The following SRPK1 variants were observed in gnomAD, a reference collection of about 807,000 sequenced individuals.
The protein encoded by SRPK1 is SFRS protein kinase 1.
A neutral mutation model predicts 89.5 loss-of-function variants in SRPK1; 52 were observed. That is an observed-to-expected ratio of 0.58 (90% CI 0.46 to 0.73). SRPK1 has a LOEUF of 0.73. SRPK1 is among the 30% of genes least tolerant of loss of function. The pLI is 0.00. For missense variants in SRPK1, 603 were observed against 780.6 expected (o/e 0.77, Z 2.71); for synonymous variants, 255 against 270.2 (o/e 0.94, Z 0.55).
intron 8 of SRPK1, 40 bp downstream of exon 8, chr6:35,872,523 T>C: frequency 2.0e-6 from 3 of 1,509,450 alleles, no homozygotes; most frequent in Non-Finnish European, 2.6e-6. Flanking sequence ...AATTTCTTTT[T>C]AACTTCTAAT....
chr6:35,877,735 TAGGAGGCTAAGGCA>T (rs1770184948), intron 6 of SRPK1, among the ~76,000 whole-genome samples: 1 of 151,620 alleles, frequency 6.6e-6, no homozygotes, highest in Non-Finnish European at 1.5e-5. Context: ...CCCAGCTACT[TAGGAGGCTAAGGCA>T]GGAGAATCAC....
intron 13 of SRPK1, among the ~76,000 whole-genome samples, chr6:35,847,049 C>T (rs1361920507): frequency 6.6e-6 from 1 of 152,218 alleles, no homozygotes; most frequent in Admixed American, 6.5e-5. Flanking sequence ...TAACATTGTA[C>T]TCAATGGTGA....
At chr6:35,846,151 A>G (rs1367620463) in intron 13 of SRPK1, among the ~76,000 whole-genome samples, 1 of 152,128 alleles carries the variant, frequency 6.6e-6, no homozygotes, top group Non-Finnish European at 1.5e-5. Context: ...GAGGCCAGGT[A>G]GGGTGGCTTA....
intron 12 of SRPK1, among the ~76,000 whole-genome samples, chr6:35,863,743 A>G (rs1281971739): frequency 6.6e-6 from 1 of 152,198 alleles, no homozygotes; most frequent in Admixed American, 6.5e-5. Context: ...ATCTTAAAGA[A>G]GAGAGAAAAT....
intron 5 of SRPK1, among the ~76,000 whole-genome samples, chr6:35,887,415 T>C (rs1376776991): frequency 6.6e-6 from 1 of 152,072 alleles, no homozygotes; most frequent in Non-Finnish European, 1.5e-5. Flanking sequence ...TCTCACTTTA[T>C]GAATAAAAAA....
At chr6:35,843,454 AGGTC>A (rs1769361030) in intron 13 of SRPK1, among the ~76,000 whole-genome samples, 1 of 151,888 alleles carries the variant, frequency 6.6e-6, no homozygotes, top group Non-Finnish European at 1.5e-5. Flanking sequence ...CCTGATTCCT[AGGTC>A]CTTTGTTTTT....
chr6:35,886,125 G>A (rs929547785), intron 6 of SRPK1, among the ~76,000 whole-genome samples: 5 of 142,884 alleles, frequency 3.5e-5, no homozygotes, highest in East Asian at 2.0e-4. Context: ...TGTCCCCCAC[G>A]CTGGAGTGCA....
At chr6:35,893,360 CT>C (rs1203795940) in intron 2 of SRPK1, among the ~76,000 whole-genome samples, 1 of 151,964 alleles carries the variant, frequency 6.6e-6, no homozygotes, top group East Asian at 1.9e-4. Context: ...TGGTGCGTGC[CT>C]GTAGTCCCAG....
chr6:35,887,577 G>C (rs1189923855), intron 5 of SRPK1, among the ~76,000 whole-genome samples: 2 of 152,036 alleles, frequency 1.3e-5, no homozygotes, highest in Non-Finnish European at 2.9e-5. Flanking sequence ...ATTTTTGATA[G>C]AATTTATCTC....
At chr6:35,857,208 A>T in intron 13 of SRPK1, 53 bp downstream of exon 13, 1 of 1,317,120 alleles carries the variant, frequency 7.6e-7, no homozygotes, top group Non-Finnish European at 1.1e-6. Flanking sequence ...ATTAGCAAAC[A>T]GGGCAAGATA....
intron 7 of SRPK1, 26 bp downstream of exon 7, chr6:35,874,207 G>T (rs1223911358): frequency 6.7e-6 from 10 of 1,498,648 alleles, no homozygotes; most frequent in African/African-American, 1.4e-5. Flanking sequence ...TCAAGACTAA[G>T]ATACTTGCTG....
chr6:35,895,875 A>C (rs1193842288), intron 2 of SRPK1, among the ~76,000 whole-genome samples: 1 of 152,186 alleles, frequency 6.6e-6, no homozygotes, highest in Non-Finnish European at 1.5e-5. Context: ...AAGGCCCAAG[A>C]GGGTGAAGTA....
At chr6:35,866,494 G>T (rs747138911) in intron 12 of SRPK1, among the ~76,000 whole-genome samples, 1 of 152,152 alleles carries the variant, frequency 6.6e-6, no homozygotes, top group Non-Finnish European at 1.5e-5. Flanking sequence ...GGTGAGGCAG[G>T]AGAATTGCTT....
chr6:35,894,301 A>C lies in SRPK1; in HGVS notation c.75-3288T>G, dbSNP rs562213473. 7.9e-5 allele frequency among the ~76,000 whole-genome samples: 12 copies of C among 152,352 alleles called. No individual in the cohort carries two copies. In the East Asian group the frequency reaches 2.3e-3, roughly 29 times the overall value. On this transcript the variant is annotated intron_variant, in intron 2 of 15. Transcript: ENST00000373825. ...ACAGACTATGATGCTCTAGTCTAAA[A>C]GATGAGTAAAGTCAGAAAGAAGTTC...
At chr6:35,878,909 G>A (rs1770216545) in intron 6 of SRPK1, among the ~76,000 whole-genome samples, 1 of 151,876 alleles carries the variant, frequency 6.6e-6, no homozygotes, top group Non-Finnish European at 1.5e-5. Flanking sequence ...TGGCAAACAT[G>A]GTGAAACGCT....
chr6:35,835,451 G>A lies in SRPK1; in HGVS notation c.1821C>T (p.Gly607=), dbSNP rs1390715882. Residue 607 remains glycine (G), a synonymous_variant, in exon 16 of 16, where the codon GGC becomes GGT. Coordinates refer to ENST00000373825, the MANE Select transcript of SRPK1 (RefSeq NM_003137.5). ...ACTTCTCCACTAGAACCTCAAAAAG[G>A]CCCCAAGGTTTCAGCTTCGTGATAT... ...LKHITKLKPW[G]LFEVLVEKYE... The A allele has an allele frequency of 6.2e-7, 1 of 1,613,542 alleles. No individual in the cohort carries two copies. Among genetic ancestry groups the A allele is most frequent in the South Asian group, 1.1e-5 (1 of 90,970 alleles).
chr6:35,858,393 A>G (rs1769709258), intron 12 of SRPK1, among the ~76,000 whole-genome samples: 1 of 152,192 alleles, frequency 6.6e-6, no homozygotes, highest in Non-Finnish European at 1.5e-5. Context: ...CAATGTTGAA[A>G]GTGCACATCA....
At chr6:35,841,786 C>T (rs552477147) in intron 14 of SRPK1, among the ~76,000 whole-genome samples, 5 of 145,612 alleles carry the variant, frequency 3.4e-5, no homozygotes, top group African/African-American at 7.8e-5. Context: ...GAGCCGAGAT[C>T]GCACCACCGC....
In SRPK1 at chr6:35,872,767, T is replaced by C. The variant is rs965707812; in HGVS notation, c.586-39A>G. 1.3e-5 allele frequency: 20 copies of C among 1,521,400 alleles called. No homozygotes were observed. The East Asian group carries it at 4.5e-4, about 34-fold the overall frequency. 94.2% of individuals were successfully genotyped at this position (1,521,400 alleles called of 1,614,324 possible). A position where few individuals can be genotyped will look rare whatever the true frequency, so the allele number is the denominator to read the frequency against. ...GAGTGGCAGACTTGCAAACACAAAATACAGGCTTTCTGGAGAAGTAAGAGA... is the reference window on the plus strand; with the variant it reads ...GAGTGGCAGACTTGCAAACACAAAACACAGGCTTTCTGGAGAAGTAAGAGA... On this transcript the variant is annotated intron_variant, in intron 7 of 15. Transcript: ENST00000373825.
Sources: allele counts gnomAD v4.1 joint callset (sites outside exome capture counted in the v4.1 genomes callset), GRCh38; gene constraint gnomAD v4.1.1; transcripts MANE v1.5; gene names NCBI Gene and HGNC (gene_info 2026-07-23, HGNC 2026-07-21).